Variants in NPAS3 observed in about 807,000 individuals in gnomAD.
The protein encoded by NPAS3 is neuronal PAS domain-containing protein 3.
Under a neutral mutation model 73.1 loss-of-function variants are expected in NPAS3, and 14 were observed. That is an observed-to-expected ratio of 0.19 (90% confidence interval 0.13 to 0.30). The LOEUF (loss-of-function observed/expected upper bound fraction) is 0.30. Ranked by LOEUF, NPAS3 falls within the 10% of genes least tolerant of loss-of-function variation. The pLI, the probability that NPAS3 is intolerant of heterozygous loss-of-function variation, is 1.00. For synonymous variants in NPAS3, 620 were observed against 541.5 expected, an observed-to-expected ratio of 1.14 and a Z score of -2.01; for missense variants, 1,096 against 1,250.0, an observed-to-expected ratio of 0.88 and a Z score of 1.86.
chr14:32,997,530 G>A (rs1400815893), intron 1 of NPAS3, among the ~76,000 whole-genome samples: 1 of 152,074 alleles, frequency 6.6e-6, no homozygotes, highest in Non-Finnish European at 1.5e-5. Context: ...TCTTTCCTGT[G>A]CTGTTCTTGG....
chr14:33,173,336 C>T (rs974986111), intron 2 of NPAS3, among the ~76,000 whole-genome samples: 5 of 152,000 alleles, frequency 3.3e-5, no homozygotes, highest in African/African-American at 1.2e-4. Flanking sequence ...TAAATGTATG[C>T]CATATGTTTG....
intron 6 of NPAS3, among the ~76,000 whole-genome samples, chr14:33,730,229 C>T (rs8018651): frequency 0.44 from 66,601 of 151,954 alleles, 15,547 homozygotes; most frequent in East Asian, 0.67. Context: ...AAAATAAGTA[C>T]ATAAATAACT....
At chr14:33,457,458 G>T (rs1424604193) in intron 4 of NPAS3, among the ~76,000 whole-genome samples, 1 of 152,220 alleles carries the variant, frequency 6.6e-6, no homozygotes, top group Admixed American at 6.5e-5. Context: ...TTCTAAACTT[G>T]AAATGTGTAT....
At chr14:33,292,401 C>A (rs539788333) in intron 3 of NPAS3, among the ~76,000 whole-genome samples, 1 of 152,212 alleles carries the variant, frequency 6.6e-6, no homozygotes, top group South Asian at 2.1e-4. Context: ...ACGTGAACTC[C>A]CTTCAGTTGG....
chr14:33,414,996 G>T (rs1156613087), intron 4 of NPAS3, among the ~76,000 whole-genome samples: 1 of 152,038 alleles, frequency 6.6e-6, no homozygotes, highest in Non-Finnish European at 1.5e-5. Flanking sequence ...GGAATCCAGT[G>T]CCCTAGGTTT....
chr14:33,516,197 CT>C (rs2053289484), intron 4 of NPAS3, among the ~76,000 whole-genome samples: 1 of 152,230 alleles, frequency 6.6e-6, no homozygotes, highest in African/African-American at 2.4e-5. Flanking sequence ...TGACACAAGT[CT>C]TTTATCTCCA....
chr14:32,978,823 A>T (rs986052931), intron 1 of NPAS3, among the ~76,000 whole-genome samples: 1 of 152,176 alleles, frequency 6.6e-6, no homozygotes, highest in African/African-American at 2.4e-5. Context: ...TCTCTCCCTT[A>T]TGACAGTGTC....
In NPAS3 at chr14:33,637,800, G is replaced by A. The variant is rs1014822655; in HGVS notation, c.559-38411G>A. Among the ~76,000 whole-genome samples, 13 of 152,074 alleles carry A rather than the reference G, an allele frequency of 8.5e-5. No individual in the cohort carries two copies. In the South Asian group the frequency reaches 1.2e-3, roughly 15 times the overall value. ...TTACCATGTATTTTTTATAAAGAACGATTGCAAAGCATGAAGAAAACTTCC... is the reference window on the plus strand; with the variant it reads ...TTACCATGTATTTTTTATAAAGAACAATTGCAAAGCATGAAGAAAACTTCC... On this transcript the variant is annotated intron_variant, in intron 5 of 11. Transcript: ENST00000356141.
chr14:33,283,218 C>T (rs1009609240), intron 3 of NPAS3, among the ~76,000 whole-genome samples: 6 of 152,172 alleles, frequency 3.9e-5, no homozygotes, highest in East Asian at 1.9e-4. Context: ...GACATGCCCA[C>T]GGTCACAGAG....
At position 32,950,795 on chromosome 14, in the gene NPAS3, G is replaced by A. The variant is rs750344244; in HGVS notation, c.50+11429G>A. Among the ~76,000 whole-genome samples, 116 of 152,102 alleles carry A rather than the reference G, an allele frequency of 7.6e-4. 1 individual carries two copies. The highest frequency in any genetic ancestry group is 4.6e-4 in the Admixed American group (7 of 15,252). ...CATCCTCTAGCTAATGTGGTTTTGT[G>A]TATTTTAAAAGATAGCTGTAATAGT... On this transcript the variant is annotated intron_variant, in intron 1 of 11. Transcript: ENST00000356141.
At position 33,299,871 on chromosome 14, in the gene NPAS3, A is replaced by T. The variant is rs532519494; in HGVS notation, c.386-67315A>T. Among the ~76,000 whole-genome samples, 3 of 152,330 alleles carry T rather than the reference A, an allele frequency of 2.0e-5. No homozygotes were observed. The East Asian group carries it at 5.8e-4, about 29-fold the overall frequency. On this transcript the variant is annotated intron_variant, in intron 3 of 11. Transcript: ENST00000356141. Reference sequence around the variant, plus strand: ...GTTAGGTTCAATATAGTAGTTTCTGAATAGAAAGTGATTTTCTAAGCACCA... The same window carrying T: ...GTTAGGTTCAATATAGTAGTTTCTGTATAGAAAGTGATTTTCTAAGCACCA...
At chr14:33,243,439 C>T (rs1484212145) in intron 3 of NPAS3, among the ~76,000 whole-genome samples, 2 of 152,026 alleles carry the variant, frequency 1.3e-5, no homozygotes, top group African/African-American at 4.8e-5. Context: ...CTTGATAAAA[C>T]ATTGCTAGAC....
intron 4 of NPAS3, among the ~76,000 whole-genome samples, chr14:33,506,663 G>A (rs1459908254): frequency 6.6e-6 from 1 of 152,004 alleles, no homozygotes; most frequent in Non-Finnish European, 1.5e-5. Flanking sequence ...ATGGTAGACA[G>A]CCAGAAGCCA....
chr14:33,094,680 G>T lies in NPAS3; in HGVS notation c.140+38686G>T, dbSNP rs980887681. 2.0e-5 allele frequency among the ~76,000 whole-genome samples: 3 copies of T among 152,092 alleles called. No homozygotes were observed. The East Asian group carries it at 5.8e-4, about 29-fold the overall frequency. On this transcript the variant is annotated intron_variant, in intron 2 of 11. Coordinates refer to ENST00000356141, the Ensembl canonical transcript of NPAS3. ...GAGGCTTCACCTTTTTGGCCAGGCT[G>T]ATCTCAAACCTCTGACCTGAAGTGC... is the stretch of plus-strand genomic sequence containing the variant.
chr14:33,381,891 G>A (rs2046569996), intron 4 of NPAS3, among the ~76,000 whole-genome samples: 2 of 152,150 alleles, frequency 1.3e-5, no homozygotes, highest in African/African-American at 4.8e-5. Context: ...GTTGTCTCCT[G>A]CTGAGACTTG....
intron 6 of NPAS3, among the ~76,000 whole-genome samples, chr14:33,700,528 T>G (rs567532910): frequency 6.6e-6 from 1 of 152,244 alleles, no homozygotes; most frequent in South Asian, 2.1e-4. Flanking sequence ...TGCCCTAGAG[T>G]CCTACGGTAA....
intron 1 of NPAS3, among the ~76,000 whole-genome samples, chr14:32,958,757 A>G (rs2036783354): frequency 6.6e-6 from 1 of 152,244 alleles, no homozygotes; most frequent in Admixed American, 6.5e-5. Context: ...TTTAGCACAT[A>G]GTACATGCTC....
intron 3 of NPAS3, among the ~76,000 whole-genome samples, chr14:33,298,011 G>C (rs1013976521): frequency 6.6e-6 from 1 of 152,190 alleles, no homozygotes; most frequent in Non-Finnish European, 1.5e-5. Flanking sequence ...GCCAGGTGCG[G>C]TGGCGCACAG....
chr14:33,655,227 C>T (rs559523223), intron 5 of NPAS3, among the ~76,000 whole-genome samples: 1 of 152,224 alleles, frequency 6.6e-6, no homozygotes, highest in Admixed American at 6.5e-5. Flanking sequence ...GCATAGCCCT[C>T]AGGCATGTGT....
Sources: allele counts gnomAD v4.1 joint callset (sites outside exome capture counted in the v4.1 genomes callset), GRCh38; gene constraint gnomAD v4.1.1; transcripts MANE v1.5; gene names NCBI Gene and HGNC (gene_info 2026-07-23, HGNC 2026-07-21).